MID1: variants seen among roughly 807,000 people sequenced by gnomAD.
MID1 encodes midline 1.
A neutral mutation model predicts 40.4 loss-of-function variants in MID1; 7 were observed. The observed-to-expected ratio is 0.17, with a 90% confidence interval of 0.10 to 0.33. MID1 has a LOEUF of 0.33. MID1 is among the 10% of genes least tolerant of loss of function. MID1 has a pLI of 1.00. For synonymous variants in MID1, 229 were observed against 221.2 expected, an observed-to-expected ratio of 1.04 and a Z score of -0.31; for missense variants, 367 against 558.5, an observed-to-expected ratio of 0.66 and a Z score of 3.46.
At chrX:10,760,913 A>T (rs2043673775) in intron 1 of MID1, among the ~76,000 whole-genome samples, 1 of 112,147 alleles carries the variant, frequency 8.9e-6, no homozygotes, top group Non-Finnish European at 1.9e-5. Context: ...ACAAGTCCGT[A>T]ATTATCTTGC....
At chrX:10,589,248 G>A (rs945216347) in intron 1 of MID1, among the ~76,000 whole-genome samples, 15 of 111,756 alleles carry the variant, frequency 1.3e-4, no homozygotes, top group African/African-American at 9.8e-5. Context: ...CCAAAGTGCC[G>A]GTACTGCCAC....
At chrX:10,499,361 T>G (rs976303575) in intron 3 of MID1, among the ~76,000 whole-genome samples, 1 of 112,168 alleles carries the variant, frequency 8.9e-6, no homozygotes, top group African/African-American at 3.2e-5. Flanking sequence ...TTATCAAATA[T>G]GTGATTTGCA....
chrX:10,572,187 TACACAC>T (rs376684211), intron 1 of MID1, among the ~76,000 whole-genome samples: 3,053 of 90,945 alleles, frequency 0.034, 120 homozygotes, highest in African/African-American at 0.099. Context: ...ATGTATCTAA[TACACAC>T]ACACACACAC....
At chrX:10,490,145 A>G (rs1220404484) in intron 4 of MID1, among the ~76,000 whole-genome samples, 2 of 111,921 alleles carry the variant, frequency 1.8e-5, no homozygotes, top group Admixed American at 1.9e-4. Context: ...AACAGAAATC[A>G]TAACTTTTCT....
intron 3 of MID1, among the ~76,000 whole-genome samples, chrX:10,496,098 T>C (rs1353936570): frequency 1.8e-5 from 2 of 112,558 alleles, no homozygotes; most frequent in Non-Finnish European, 3.8e-5. Flanking sequence ...TATTCTTTTA[T>C]GGAGGACAGA....
chrX:10,794,289 T>C (rs1446120838), intron 1 of MID1, among the ~76,000 whole-genome samples: 2 of 112,274 alleles, frequency 1.8e-5, no homozygotes, highest in Admixed American at 1.9e-4. Context: ...CAAGGTTCCA[T>C]GTCTGAGACA....
At chrX:10,472,308 T>TAG (rs1929754876) in intron 6 of MID1, among the ~76,000 whole-genome samples, 1 of 112,490 alleles carries the variant, frequency 8.9e-6, no homozygotes, top group Non-Finnish European at 1.9e-5. Flanking sequence ...GAAGACATAA[T>TAG]AGCAGGTACC....
At chrX:10,600,023 T>C (rs1180622521) in intron 1 of MID1, among the ~76,000 whole-genome samples, 3 of 112,301 alleles carry the variant, frequency 2.7e-5, no homozygotes, top group Non-Finnish European at 5.6e-5. Context: ...CTGGGTTTTC[T>C]GTAAAGTTGA....
chrX:10,514,238 C>T (rs1265648958), intron 3 of MID1, among the ~76,000 whole-genome samples: 1 of 112,133 alleles, frequency 8.9e-6, no homozygotes, highest in African/African-American at 3.2e-5. Flanking sequence ...GAAAGATTTG[C>T]AGACGATGAA....
At chrX:10,635,875 G>C (rs138855599) in intron 1 of MID1, among the ~76,000 whole-genome samples, 1 of 111,898 alleles carries the variant, frequency 8.9e-6, no homozygotes, top group African/African-American at 3.2e-5. Context: ...GTCTTCACTC[G>C]TGAAGATTGA....
chrX:10,455,671 A>C (rs1928617116), intron 8 of MID1, among the ~76,000 whole-genome samples: 1 of 112,101 alleles, frequency 8.9e-6, no homozygotes, highest in Non-Finnish European at 1.9e-5. Context: ...TAACATATAG[A>C]ATATTCTAGA....
intron 1 of MID1, among the ~76,000 whole-genome samples, chrX:10,728,731 T>G (rs2043418493): frequency 8.9e-6 from 1 of 111,841 alleles, no homozygotes; most frequent in African/African-American, 3.3e-5. Flanking sequence ...AAAAACAGAG[T>G]TAGCTTATGA....
intron 1 of MID1, among the ~76,000 whole-genome samples, chrX:10,574,541 T>C (rs1378305815): frequency 8.9e-6 from 1 of 112,108 alleles, no homozygotes; most frequent in Non-Finnish European, 1.9e-5. Context: ...CATCAGCACA[T>C]CATCCATAAT....
intron 1 of MID1, among the ~76,000 whole-genome samples, chrX:10,598,321 T>A (rs756875475): frequency 6.2e-5 from 7 of 112,253 alleles, no homozygotes; most frequent in South Asian, 3.7e-4. Flanking sequence ...GCTGCTGTTA[T>A]TACAGGTCAC....
At chrX:10,654,105 A>C (rs1373992004) in intron 1 of MID1, among the ~76,000 whole-genome samples, 3 of 111,974 alleles carry the variant, frequency 2.7e-5, no homozygotes, top group Non-Finnish European at 3.8e-5. Flanking sequence ...ACGGAATTCC[A>C]GCTGGGTCAA....
intron 1 of MID1, among the ~76,000 whole-genome samples, chrX:10,786,728 A>G (rs1391392991): frequency 3.8e-5 from 4 of 105,811 alleles, no homozygotes; most frequent in Admixed American, 2.1e-4. Context: ...CAAAAAACCA[A>G]ACACCACATG....
chrX:10,504,270 C>T (rs987431376), intron 3 of MID1, among the ~76,000 whole-genome samples: 1 of 111,224 alleles, frequency 9.0e-6, no homozygotes, highest in Non-Finnish European at 1.9e-5. Flanking sequence ...AGACCAGGTG[C>T]GATGCTGCTA....
At chrX:10,791,806 T>C (rs1373821790) in intron 1 of MID1, among the ~76,000 whole-genome samples, 1 of 111,872 alleles carries the variant, frequency 8.9e-6, no homozygotes, top group Non-Finnish European at 1.9e-5. Context: ...TGTGTGTGTG[T>C]GCTTACAATA....
intron 1 of MID1, among the ~76,000 whole-genome samples, chrX:10,783,888 TA>T (rs1196603138): frequency 6.5e-4 from 67 of 103,351 alleles, no homozygotes; most frequent in African/African-American, 1.3e-3. Flanking sequence ...CTCTTTTTTT[TA>T]AAAAAAAAAA....
Sources: gnomAD v4.1 joint callset for allele counts (sites outside exome capture counted in the v4.1 genomes callset) on GRCh38, gnomAD v4.1.1 for gene constraint, MANE v1.5 for transcripts, NCBI Gene and HGNC (gene_info 2026-07-23, HGNC 2026-07-21) for gene names.